The following ZNF143 variants were observed in gnomAD, a reference collection of about 807,000 sequenced individuals.
ZNF143 encodes SPH-binding factor.
Under a neutral mutation model 74.1 loss-of-function variants are expected in ZNF143, and 49 were observed. That is an observed-to-expected ratio of 0.66 (90% CI 0.53 to 0.84). ZNF143 has a LOEUF of 0.84. Ranked by LOEUF, ZNF143 falls within the 40% of genes least tolerant of loss-of-function variation. The pLI, the probability that ZNF143 is intolerant of heterozygous loss-of-function variation, is 0.00. For missense variants in ZNF143, 637 were observed against 793.4 expected, an observed-to-expected ratio of 0.80 and a Z score of 2.37; for synonymous variants, 304 against 282.8, an observed-to-expected ratio of 1.07 and a Z score of -0.75.
chr11:9,522,416 A>G (rs893434581), intron 14 of ZNF143, among the ~76,000 whole-genome samples: 3 of 152,090 alleles, frequency 2.0e-5, no homozygotes, highest in African/African-American at 4.8e-5. Context: ...TAAATTGTCT[A>G]CTGCCCTTCT....
chr11:9,522,831 A>T (rs1329256322), intron 14 of ZNF143, among the ~76,000 whole-genome samples: 2 of 150,468 alleles, frequency 1.3e-5, no homozygotes, highest in Non-Finnish European at 2.9e-5. Context: ...AAGGTTCTTC[A>T]GATGGAGAAT....
chr11:9,511,655 C>T (rs955071424), intron 12 of ZNF143, among the ~76,000 whole-genome samples: 3 of 151,606 alleles, frequency 2.0e-5, no homozygotes, highest in Admixed American at 6.6e-5. Context: ...TCAGACTGGT[C>T]GCGAACTCCC....
chr11:9,492,656 A>G (rs967818532), intron 7 of ZNF143, among the ~76,000 whole-genome samples: 5 of 152,210 alleles, frequency 3.3e-5, no homozygotes, highest in Non-Finnish European at 7.3e-5. Context: ...CTTTAAAAAT[A>G]CCCCTGAAAA....
rs138410837 is a variant in ZNF143, at chr11:9,527,864, T to G, written c.*251T>G. On this transcript the variant is annotated 3_prime_UTR_variant, in exon 16 of 16. Coordinates refer to ENST00000396602, the MANE Select transcript of ZNF143 (RefSeq NM_003442.6). ...GCAATACAGTAAATTTTCATGTTACTCTTTTATCAGATCACAAACTCCTAG... is the reference window on the plus strand; with the variant it reads ...GCAATACAGTAAATTTTCATGTTACGCTTTTATCAGATCACAAACTCCTAG... 8.5e-6 allele frequency: 3 copies of G among 351,938 alleles called. No individual in the cohort carries two copies. The highest frequency in any genetic ancestry group is 6.2e-5 in the African/African-American group (3 of 48,184). 21.8% of individuals were successfully genotyped at this position (351,938 alleles called of 1,614,324 possible).
At chr11:9,523,742 TATA>T (rs919612586) in intron 14 of ZNF143, among the ~76,000 whole-genome samples, 6 of 149,196 alleles carry the variant, frequency 4.0e-5, no homozygotes, top group African/African-American at 1.5e-4. Context: ...TCAAAAAATA[TATA>T]ATAATAATAA....
intron 11 of ZNF143, among the ~76,000 whole-genome samples, chr11:9,503,950 C>CTTT: frequency 1.7e-5 from 2 of 117,050 alleles, no homozygotes; most frequent in African/African-American, 6.5e-5. Flanking sequence ...CCACGCCTTG[C>CTTT]CTTTTTTTTT....
chr11:9,500,184 T>TG lies in ZNF143; in HGVS notation c.968-906dup, dbSNP rs558320812. Among the ~76,000 whole-genome samples, 281 of 152,154 alleles carry TG rather than the reference T, an allele frequency of 1.8e-3. 5 individuals carry two copies. Among genetic ancestry groups the TG allele is most frequent in the African/African-American group, 6.3e-3 (262 of 41,524 alleles). On this transcript the variant is annotated intron_variant, in intron 10 of 15. Transcript: ENST00000396602. ...CTGGTCTTGAACTCCTGAGCTCAAG[T>TG]GATCCGCCTGCCTTAGCCTCTCAAA...
chr11:9,470,590 A>T (rs12418104), intron 1 of ZNF143, among the ~76,000 whole-genome samples: 1 of 152,112 alleles, frequency 6.6e-6, no homozygotes, highest in Non-Finnish European at 1.5e-5. Flanking sequence ...AGAACATCCA[A>T]TATGCTTGAG....
At position 9,501,274 on chromosome 11, in the gene ZNF143, A is replaced by G; in HGVS notation, c.1147+4A>G. ...AACCATGTGAGGATACACACAGGTA[A>G]CAATCTCTGATCTTTTGGTCTTTTA... On this transcript the variant is annotated splice_donor_region_variant and intron_variant, in intron 11 of 15. Transcript: ENST00000396602. 1 of 1,612,658 alleles carries G rather than the reference A, an allele frequency of 6.2e-7. No homozygotes were observed.
chr11:9,470,112 A>G (rs1856484402), intron 1 of ZNF143, among the ~76,000 whole-genome samples: 2 of 152,296 alleles, frequency 1.3e-5, no homozygotes, highest in East Asian at 3.9e-4. Context: ...ACATTATCCC[A>G]GCTACTGTTT....
intron 11 of ZNF143, among the ~76,000 whole-genome samples, chr11:9,507,382 G>A (rs570366677): frequency 6.6e-6 from 1 of 151,988 alleles, no homozygotes; most frequent in East Asian, 1.9e-4. Flanking sequence ...TCCACAGCTG[G>A]AGCCCTTCCA....
chr11:9,489,551 T>C (rs1161504800), intron 7 of ZNF143, among the ~76,000 whole-genome samples: 4 of 152,202 alleles, frequency 2.6e-5, no homozygotes, highest in Non-Finnish European at 5.9e-5. Context: ...AGATGCCAAA[T>C]TCCTGGTATA....
chr11:9,467,583 C>T (rs973226377), intron 1 of ZNF143, among the ~76,000 whole-genome samples: 2 of 151,958 alleles, frequency 1.3e-5, no homozygotes, highest in East Asian at 1.9e-4. Context: ...CGCAATGGCT[C>T]GTGCCTTTAA....
At chr11:9,522,713 C>T (rs1345117231) in intron 14 of ZNF143, among the ~76,000 whole-genome samples, 4 of 151,934 alleles carry the variant, frequency 2.6e-5, no homozygotes, top group African/African-American at 4.8e-5. Flanking sequence ...AGGCTGGTCT[C>T]GAACTGCTGA....
chr11:9,477,980 C>T (rs781717867), intron 5 of ZNF143, among the ~76,000 whole-genome samples: 1 of 152,090 alleles, frequency 6.6e-6, no homozygotes, highest in Admixed American at 6.6e-5. Flanking sequence ...CGCGTGCCAC[C>T]GTGCCCTGCT....
At chr11:9,485,347 C>CTTTTT (rs544497040) in intron 7 of ZNF143, among the ~76,000 whole-genome samples, 94 of 110,418 alleles carry the variant, frequency 8.5e-4, no homozygotes, top group Non-Finnish European at 1.4e-3. Flanking sequence ...TTCTCTCTCT[C>CTTTTT]TTTTTTTTTT....
At position 9,506,458 on chromosome 11, in the gene ZNF143, T is replaced by C. The variant is rs373174287; in HGVS notation, c.1148-2161T>C. ...TACATTAAGTTTGGCCATACTGATG[T>C]CTTTGGAACATTTAGGTAGAGCAGT... On this transcript the variant is annotated intron_variant, in intron 11 of 15. Coordinates refer to ENST00000396602, the MANE Select transcript of ZNF143 (RefSeq NM_003442.6). Among the ~76,000 whole-genome samples the C allele has an allele frequency of 2.0e-5, 3 of 152,260 alleles. No individual in the cohort carries two copies. In the East Asian group the frequency reaches 5.8e-4, roughly 29 times the overall value.
intron 2 of ZNF143, 88 bp from the exon 3 acceptor site, chr11:9,472,589 C>T: frequency 8.4e-7 from 1 of 1,197,306 alleles, no homozygotes; most frequent in Non-Finnish European, 1.2e-6. Context: ...AGCAGTTTAC[C>T]TTTTTTCTGA....
At chr11:9,479,359 A>G in intron 6 of ZNF143, 113 bp from the exon 7 acceptor site, 1 of 691,638 alleles carries the variant, frequency 1.4e-6, no homozygotes, top group Non-Finnish European at 2.2e-6. Flanking sequence ...AGCCCCATGT[A>G]CTTTTTTTTC....
Sources: allele counts gnomAD v4.1 joint callset (sites outside exome capture counted in the v4.1 genomes callset), GRCh38; gene constraint gnomAD v4.1.1; transcripts MANE v1.5; gene names NCBI Gene and HGNC (gene_info 2026-07-23, HGNC 2026-07-21).